The following CEBPD variants were observed in gnomAD, a reference collection of about 807,000 sequenced individuals.
CEBPD encodes CCAAT enhancer binding protein delta.
For missense variants in CEBPD, 410 were observed against 409.4 expected (o/e 1.00, Z -0.01); for synonymous variants, 227 against 194.8 (o/e 1.17, Z -1.38).
chr8:47,737,916 C>A lies in CEBPD; in HGVS notation c.205G>T (p.Ala69Ser), dbSNP rs1413840250. The change falls in exon 1 of 1, where the codon GCC becomes TCC. Residue 69 changes from alanine (A) to serine (S), a missense_variant. Physicochemically the swap from Ala to Ser is moderately conservative, Grantham distance 99. Transcript: ENST00000408965. Reference sequence around the variant, plus strand: ...CACAGCTCCAGGGTGGGCACGGCGGCCATGGAGTCGATGTAGGCGCTGAAG... The same window carrying A: ...CACAGCTCCAGGGTGGGCACGGCGGACATGGAGTCGATGTAGGCGCTGAAG... ...IDFSAYIDSM[A>S]AVPTLELCHD... The A allele has an allele frequency of 2.8e-5, 42 of 1,510,310 alleles. No homozygotes were observed. The East Asian group carries it at 1.1e-3, about 41-fold the overall frequency. The allele number at this position is 1,510,310 out of a possible 1,614,324, so 93.6% of individuals were successfully genotyped here.
rs2086263229 is a variant in CEBPD at position 47,737,092 on chromosome 8, C to G, written c.*219G>C. The G allele has an allele frequency of 2.1e-6, 1 of 474,870 alleles. No individual in the cohort carries two copies. The highest frequency in any genetic ancestry group is 3.7e-6 in the Non-Finnish European group (1 of 271,680). 29.4% of individuals were successfully genotyped at this position (474,870 alleles called of 1,614,324 possible). The stretch of plus-strand genomic sequence containing the variant: ...CAGGAGTAAGATGTAGAAAAAGCTA[C>G]CATTACAAAAATAATTTAAGGGAAA... On this transcript the variant is annotated 3_prime_UTR_variant, in exon 1 of 1. Coordinates refer to ENST00000408965, the MANE Select transcript of CEBPD (RefSeq NM_005195.4).
chr8:47,737,686 G>T lies in CEBPD; in HGVS notation c.435C>A (p.Thr145=). 1 of 1,231,306 alleles carries T rather than the reference G, an allele frequency of 8.1e-7. No homozygotes were observed. Among genetic ancestry groups the T allele is most frequent in the Non-Finnish European group, 1.0e-6 (1 of 990,572 alleles). The allele number at this position is 1,231,306 out of a possible 1,614,324, so 76.3% of individuals were successfully genotyped here. ...GCCCTGCGGCCGCCAAGCTCACCAC[G>T]GTCTGTGCGCACGCGGCCACCTGCG... ...LPAQVAACAQ[T]VVSLAAAGQP... is the part of the protein sequence containing the mutation. The change falls in exon 1 of 1, where the codon ACC becomes ACA. Residue 145 remains threonine, a synonymous_variant. Coordinates refer to ENST00000408965, the MANE Select transcript of CEBPD (RefSeq NM_005195.4).
rs1474825509 is a variant in CEBPD, at chr8:47,738,093, C to G, written c.28G>C (p.Gly10Arg). 4 of 1,188,070 alleles carry G rather than the reference C, an allele frequency of 3.4e-6. No homozygotes were observed. The highest frequency in any genetic ancestry group is 3.1e-6 in the Non-Finnish European group (3 of 960,838). 73.6% of individuals were successfully genotyped at this position (1,188,070 alleles called of 1,614,324 possible). ...GGCCAGGGCGCGCCGCGCGCCGGGCCGTCCAGGCTGAAGAGCGCGGCGCTC... is the reference window on the plus strand; with the variant it reads ...GGCCAGGGCGCGCCGCGCGCCGGGCGGTCCAGGCTGAAGAGCGCGGCGCTC... MSAALFSLD[G>R]PARGAPWPAE... Residue 10 changes from glycine (G) to arginine (R), a missense_variant, in exon 1 of 1, where the codon GGC becomes CGC. By Grantham distance (125) the Gly-to-Arg change is moderately radical. Coordinates refer to ENST00000408965, the MANE Select transcript of CEBPD (RefSeq NM_005195.4). This position sits in a 1 kb window ranked among gnomAD's most constrained non-coding sequence, Gnocchi z 4.1.
rs759869157 is a variant in CEBPD, at chr8:47,737,917, C to T, written c.204G>A (p.Met68Ile). 4 of 1,510,784 alleles carry T rather than the reference C, an allele frequency of 2.6e-6. No individual in the cohort carries two copies. The highest frequency in any genetic ancestry group is 2.7e-5 in the East Asian group (1 of 36,588). 93.6% of individuals were successfully genotyped at this position (1,510,784 alleles called of 1,614,324 possible). A position where few individuals can be genotyped will look rare whatever the true frequency, so the allele number is the denominator to read the frequency against. ...ACAGCTCCAGGGTGGGCACGGCGGC[C>T]ATGGAGTCGATGTAGGCGCTGAAGT... ...AIDFSAYIDS[M>I]AAVPTLELCH... Residue 68 changes from methionine to isoleucine, a missense_variant, in exon 1 of 1, where the codon ATG (methionine) becomes ATA (isoleucine). Met to Ile is a conservative substitution (Grantham distance 10). Coordinates refer to ENST00000408965, the MANE Select transcript of CEBPD (RefSeq NM_005195.4).
rs1370665503 is a variant in CEBPD, at chr8:47,737,358, G to C, written c.763C>G (p.Pro255Ala). Residue 255 changes from proline to alanine, a missense_variant, in exon 1 of 1, where the codon CCC becomes GCC. Physicochemically the swap from Pro to Ala is conservative, Grantham distance 27. Coordinates refer to ENST00000408965, the MANE Select transcript of CEBPD (RefSeq NM_005195.4). Reference sequence around the variant, plus strand: ...GCGGCCGGCAGGAAGGGCGGGCTGGGCAGCTGCTTGAAGAACTGCCGGAGG... The same window carrying C: ...GCGGCCGGCAGGAAGGGCGGGCTGGCCAGCTGCTTGAAGAACTGCCGGAGG... ...AGLRQFFKQL[P>A]SPPFLPAAGT... The C allele has an allele frequency of 6.3e-7, 1 of 1,598,198 alleles. No homozygotes were observed. The highest frequency in any genetic ancestry group is 8.5e-7 in the Non-Finnish European group (1 of 1,174,796).
rs1472764523 is a variant in CEBPD, at chr8:47,737,835, C to T, written c.286G>A (p.Gly96Arg). 2.7e-6 allele frequency: 4 copies of T among 1,456,186 alleles called. No homozygotes were observed. The highest frequency in any genetic ancestry group is 1.3e-5 in the South Asian group (1 of 74,204). The allele number at this position is 1,456,186 out of a possible 1,614,324, so 90.2% of individuals were successfully genotyped here. Reference sequence around the variant, plus strand: ...CCGCCGGGAAGAAGCTCCAGGGGCCCCGCGCCGCCCGCCTTGTGATTGCTG... The same window carrying T: ...CCGCCGGGAAGAAGCTCCAGGGGCCTCGCGCCGCCCGCCTTGTGATTGCTG... ...FNSNHKAGGA[G>R]PLELLPGGPA... Residue 96 changes from glycine (G) to arginine (R), a missense_variant, in exon 1 of 1, where the codon GGG (glycine) becomes AGG (arginine). Coordinates refer to ENST00000408965, the MANE Select transcript of CEBPD (RefSeq NM_005195.4).
At position 47,738,061 on chromosome 8, in the gene CEBPD, C is replaced by G. The variant is rs2086287438; in HGVS notation, c.60G>C (p.Glu20Asp). The G allele has an allele frequency of 8.1e-7, 1 of 1,230,796 alleles. No homozygotes were observed. Among genetic ancestry groups the G allele is most frequent in the Non-Finnish European group, 1.0e-6 (1 of 987,478 alleles). 76.2% of individuals were successfully genotyped at this position (1,230,796 alleles called of 1,614,324 possible). A position where few individuals can be genotyped will look rare whatever the true frequency, so the allele number is the denominator to read the frequency against. ...GPARGAPWPA[E>D]PAPFYEPGRA... ...GGCCCGGTTCGTAGAAGGGCGCAGG[C>G]TCCGCAGGCCAGGGCGCGCCGCGCG... The change falls in exon 1 of 1, where the codon GAG (glutamate) becomes GAC (aspartate). Residue 20 changes from glutamate (E) to aspartate (D), a missense_variant. Coordinates refer to ENST00000408965, the MANE Select transcript of CEBPD (RefSeq NM_005195.4). The surrounding 1 kb of genome is among the most constrained non-coding windows in gnomAD (Gnocchi z 4.1).
Position 47,737,395 on chromosome 8 carries a change from C to T in CEBPD, c.726G>A (p.Arg242=). The change falls in exon 1 of 1, where the codon CGG becomes CGA. Residue 242 remains arginine (R), a synonymous_variant. Transcript: ENST00000408965. ...AGAACTGCCGGAGGCCGGCCAGGTC[C>T]CGCGTGAGCTGCTCCACGCGCTGGT... ...KLHQRVEQLT[R]DLAGLRQFFK... 1.2e-6 allele frequency: 2 copies of T among 1,602,052 alleles called. No homozygotes were observed. Among genetic ancestry groups the T allele is most frequent in the Non-Finnish European group, 1.7e-6 (2 of 1,176,306 alleles).
At position 47,737,286 on chromosome 8, in the gene CEBPD, G is replaced by A; in HGVS notation, c.*25C>T. 2.6e-6 allele frequency: 4 copies of A among 1,566,566 alleles called. No individual in the cohort carries two copies. The highest frequency in any genetic ancestry group is 1.2e-5 in the South Asian group (1 of 84,678). ...CGGGTCTGAGGTATGGGTCGTTGCT[G>A]AGTCTCTCCCGCCCCGGCCGCGCGT... On this transcript the variant is annotated 3_prime_UTR_variant, in exon 1 of 1. Coordinates refer to ENST00000408965, the MANE Select transcript of CEBPD (RefSeq NM_005195.4).
At position 47,738,056 on chromosome 8, in the gene CEBPD, G is replaced by C; in HGVS notation, c.65C>G (p.Ala22Gly). Residue 22 changes from alanine (A) to glycine (G), a missense_variant, in exon 1 of 1, where the codon GCG (alanine) becomes GGG (glycine). Physicochemically the swap from Ala to Gly is moderately conservative, Grantham distance 60. Coordinates refer to ENST00000408965, the MANE Select transcript of CEBPD (RefSeq NM_005195.4). The surrounding 1 kb of genome is among the most constrained non-coding windows in gnomAD (Gnocchi z 4.1). The part of the protein sequence containing the change: ...ARGAPWPAEP[A>G]PFYEPGRAGK... ...CGCCCGGCCCGGTTCGTAGAAGGGC[G>C]CAGGCTCCGCAGGCCAGGGCGCGCC... 8.1e-7 allele frequency: 1 copy of C among 1,242,186 alleles called. No individual in the cohort carries two copies. The highest frequency in any genetic ancestry group is 1.0e-6 in the Non-Finnish European group (1 of 994,064). 76.9% of individuals were successfully genotyped at this position (1,242,186 alleles called of 1,614,324 possible).
chr8:47,737,368 G>T lies in CEBPD; in HGVS notation c.753C>A (p.Phe251Leu). 3 of 1,600,374 alleles carry T rather than the reference G, an allele frequency of 1.9e-6. No individual in the cohort carries two copies. The highest frequency in any genetic ancestry group is 2.6e-6 in the Non-Finnish European group (3 of 1,175,742). The stretch of plus-strand genomic sequence containing the variant: ...GGAAGGGCGGGCTGGGCAGCTGCTT[G>T]AAGAACTGCCGGAGGCCGGCCAGGT... Reference protein sequence around the residue: ...TRDLAGLRQFFKQLPSPPFLP... With the variant: ...TRDLAGLRQFLKQLPSPPFLP... The change falls in exon 1 of 1, where the codon TTC (phenylalanine) becomes TTA (leucine). Residue 251 changes from phenylalanine to leucine, a missense_variant. Physicochemically the swap from Phe to Leu is conservative, Grantham distance 22. Transcript: ENST00000408965.
rs1280531061 is a variant in CEBPD, at chr8:47,737,728, G to A, written c.393C>T (p.Pro131=). The change falls in exon 1 of 1, where the codon CCC becomes CCT. Residue 131 remains proline, a synonymous_variant. Transcript: ENST00000408965. ...CCACCTGCGCGGGCAACAGCGAGCCGGGCGCGTCGCCGTCGCCCCAGTCGG... is the reference window on the plus strand; with the variant it reads ...CCACCTGCGCGGGCAACAGCGAGCCAGGCGCGTCGCCGTCGCCCCAGTCGG... ...REPDWGDGDA[P]GSLLPAQVAA... is the part of the protein sequence containing the mutation. The A allele has an allele frequency of 9.9e-6, 12 of 1,213,414 alleles. No individual in the cohort carries two copies. In the East Asian group the frequency reaches 3.8e-4, roughly 38 times the overall value. 75.2% of individuals were successfully genotyped at this position (1,213,414 alleles called of 1,614,324 possible).
In CEBPD at chr8:47,737,368, G is replaced by A. The variant is rs1187246700; in HGVS notation, c.753C>T (p.Phe251=). The A allele has an allele frequency of 1.2e-6, 2 of 1,600,256 alleles. No homozygotes were observed. The highest frequency in any genetic ancestry group is 1.7e-6 in the Non-Finnish European group (2 of 1,175,750). The change falls in exon 1 of 1, where the codon TTC becomes TTT. Residue 251 remains phenylalanine, a synonymous_variant. Transcript: ENST00000408965. ...TRDLAGLRQF[F]KQLPSPPFLP... ...GGAAGGGCGGGCTGGGCAGCTGCTTGAAGAACTGCCGGAGGCCGGCCAGGT... is the reference window on the plus strand; with the variant it reads ...GGAAGGGCGGGCTGGGCAGCTGCTTAAAGAACTGCCGGAGGCCGGCCAGGT...
At position 47,737,824 on chromosome 8, in the gene CEBPD, C is replaced by T; in HGVS notation, c.297G>A (p.Glu99=). 7.0e-7 allele frequency: 1 copy of T among 1,426,952 alleles called. No homozygotes were observed. Among genetic ancestry groups the T allele is most frequent in the Non-Finnish European group, 9.2e-7 (1 of 1,089,200 alleles). The allele number at this position is 1,426,952 out of a possible 1,614,324, so 88.4% of individuals were successfully genotyped here. Residue 99 remains glutamate, a synonymous_variant, in exon 1 of 1, where the codon GAG becomes GAA. Transcript: ENST00000408965. ...GGCGCGCGGGGCCGCCGGGAAGAAG[C>T]TCCAGGGGCCCCGCGCCGCCCGCCT... is the stretch of plus-strand genomic sequence containing the variant. ...NHKAGGAGPL[E]LLPGGPARPL...
rs1454066895 is a variant in CEBPD, at chr8:47,737,216, C to A, written c.*95G>T. The A allele has an allele frequency of 1.7e-6, 2 of 1,170,532 alleles. No homozygotes were observed. Among genetic ancestry groups the A allele is most frequent in the Non-Finnish European group, 2.3e-6 (2 of 859,926 alleles). 72.5% of individuals were successfully genotyped at this position (1,170,532 alleles called of 1,614,324 possible). A position where few individuals can be genotyped will look rare whatever the true frequency, so the allele number is the denominator to read the frequency against. ...CCAAGAAACTGCAGCGGGCACCCGG[C>A]GGCTCTGGCTGCGCCAGGGCAGGGC... On this transcript the variant is annotated 3_prime_UTR_variant, in exon 1 of 1. Coordinates refer to ENST00000408965, the MANE Select transcript of CEBPD (RefSeq NM_005195.4).
At position 47,737,556 on chromosome 8, in the gene CEBPD, G is replaced by T; in HGVS notation, c.565C>A (p.Arg189Ser). ...CGCTGCCGGTACTCGGGGCTGCCGC[G>T]GTCCGGGCCCCTCTTGCCGGCGCTC... ...EKSAGKRGPDRGSPEYRQRRE... is the reference protein window; with the variant it reads ...EKSAGKRGPDSGSPEYRQRRE... Residue 189 changes from arginine (R) to serine (S), a missense_variant, in exon 1 of 1, where the codon CGC (arginine) becomes AGC (serine). By Grantham distance (110) the Arg-to-Ser change is moderately radical. Coordinates refer to ENST00000408965, the MANE Select transcript of CEBPD (RefSeq NM_005195.4). 2 of 1,584,518 alleles carry T rather than the reference G, an allele frequency of 1.3e-6. No homozygotes were observed. Among genetic ancestry groups the T allele is most frequent in the East Asian group, 4.8e-5 (2 of 41,712 alleles).
Position 47,737,952 on chromosome 8 carries a change from T to C in CEBPD, c.169A>G (p.Ser57Gly). 1 of 1,497,192 alleles carries C rather than the reference T, an allele frequency of 6.7e-7. No individual in the cohort carries two copies. Among genetic ancestry groups the C allele is most frequent in the South Asian group, 1.3e-5 (1 of 78,624 alleles). The allele number at this position is 1,497,192 out of a possible 1,614,324, so 92.7% of individuals were successfully genotyped here. ...ATGTAGGCGCTGAAGTCGATGGCGC[T>C]CTCGTCGTCGTACATGGCGGGGGCG... ...AAAPAMYDDESAIDFSAYIDS... is the reference protein window; with the variant it reads ...AAAPAMYDDEGAIDFSAYIDS... The change falls in exon 1 of 1, where the codon AGC (serine) becomes GGC (glycine). Residue 57 changes from serine (S) to glycine (G), a missense_variant. Physicochemically the swap from Ser to Gly is moderately conservative, Grantham distance 56. Transcript: ENST00000408965.
In CEBPD at chr8:47,737,357, G is replaced by T; in HGVS notation, c.764C>A (p.Pro255His). The T allele has an allele frequency of 6.3e-7, 1 of 1,598,308 alleles. No homozygotes were observed. Among genetic ancestry groups the T allele is most frequent in the Non-Finnish European group, 8.5e-7 (1 of 1,174,778 alleles). The change falls in exon 1 of 1, where the codon CCC becomes CAC. Residue 255 changes from proline to histidine, a missense_variant. Transcript: ENST00000408965. Reference sequence around the variant, plus strand: ...GGCGGCCGGCAGGAAGGGCGGGCTGGGCAGCTGCTTGAAGAACTGCCGGAG... The same window carrying T: ...GGCGGCCGGCAGGAAGGGCGGGCTGTGCAGCTGCTTGAAGAACTGCCGGAG... ...AGLRQFFKQL[P>H]SPPFLPAAGT... is the part of the protein sequence containing the mutation.
rs771987837 is a variant in CEBPD at position 47,737,779 on chromosome 8, G to A, written c.342C>T (p.Ala114=). ...GPARPLGPGP[A]APRLLKREPD... ...GCTCGCGCTTGAGCAGGCGGGGAGC[G>A]GCAGGGCCCGGGCCCAAGGGGCGCG... is the stretch of plus-strand genomic sequence containing the variant. Residue 114 remains alanine (A), a synonymous_variant, in exon 1 of 1, where the codon GCC becomes GCT. Transcript: ENST00000408965. 16 of 1,284,818 alleles carry A rather than the reference G, an allele frequency of 1.2e-5. No individual in the cohort carries two copies. The highest frequency in any genetic ancestry group is 1.5e-5 in the Non-Finnish European group (15 of 1,019,756). 79.6% of individuals were successfully genotyped at this position (1,284,818 alleles called of 1,614,324 possible).
Sources: gnomAD v4.1 joint callset for allele counts on GRCh38, gnomAD v4.1.1 for gene constraint, Gnocchi (gnomAD v3.1) non-coding constraint, MANE v1.5 for transcripts, NCBI Gene and HGNC (gene_info 2026-07-23, HGNC 2026-07-21) for gene names.